The following SHANK2 variants were observed in gnomAD, a reference collection of about 807,000 sequenced individuals.
SHANK2 encodes SH3 and multiple ankyrin repeat domains protein 2.
A neutral mutation model predicts 133.7 loss-of-function variants in SHANK2; 43 were observed. The ratio of observed to expected loss-of-function variants is 0.32; its 90% confidence interval spans 0.25 to 0.41. The LOEUF (loss-of-function observed/expected upper bound fraction) is 0.41, where lower values mean the gene tolerates loss of function less well. Ranked by LOEUF, SHANK2 falls within the 10% of genes least tolerant of loss-of-function variation. SHANK2 has a pLI of 1.00. For synonymous variants in SHANK2, 1,017 were observed against 952.8 expected (o/e 1.07, Z -1.24); for missense variants, 1,994 against 2,235.8 (o/e 0.89, Z 2.18).
rs575304931 is a variant in SHANK2, at chr11:70,708,382, G to A, written c.1778-9619C>T. 5.9e-5 allele frequency among the ~76,000 whole-genome samples: 9 copies of A among 152,246 alleles called. No individual in the cohort carries two copies. In the South Asian group the frequency reaches 1.7e-3, roughly 28 times the overall value. On this transcript the variant is annotated intron_variant, in intron 14 of 25. Coordinates refer to ENST00000601538, the MANE Select transcript of SHANK2 (RefSeq NM_012309.5). Reference sequence around the variant, plus strand: ...TGCCCTGGACACTGCAGGGCTTTGGGCATCCTTGCCTCCAATCTCTAAACA... The same window carrying A: ...TGCCCTGGACACTGCAGGGCTTTGGACATCCTTGCCTCCAATCTCTAAACA...
chr11:70,591,213 G>A (rs1554987973), intron 17 of SHANK2, among the ~76,000 whole-genome samples: 1 of 152,060 alleles, frequency 6.6e-6, no homozygotes, highest in African/African-American at 2.4e-5. Flanking sequence ...TTAGCTGGGT[G>A]CGGTGGTGAG....
chr11:71,060,187 A>T (rs1361269779), intron 9 of SHANK2, among the ~76,000 whole-genome samples: 1 of 152,212 alleles, frequency 6.6e-6, no homozygotes, highest in Non-Finnish European at 1.5e-5. Flanking sequence ...CACAACTGTG[A>T]GTGCTACTGG....
intron 14 of SHANK2, among the ~76,000 whole-genome samples, chr11:70,736,115 C>G (rs916073249): frequency 6.6e-5 from 10 of 151,706 alleles, no homozygotes; most frequent in African/African-American, 2.4e-4. Context: ...CCCAGCCAAG[C>G]CCAGTGGCAG....
At chr11:71,250,150 AAGC>A (rs57646237) in intron 1 of SHANK2, among the ~76,000 whole-genome samples, 2,006 of 152,182 alleles carry the variant, frequency 0.013, 44 homozygotes, top group African/African-American at 0.046. Context: ...AATTTGTTAA[AAGC>A]AGCCAAGTGC....
chr11:70,516,335 A>T (rs1163079879), intron 17 of SHANK2, among the ~76,000 whole-genome samples: 2 of 152,268 alleles, frequency 1.3e-5, no homozygotes, highest in Admixed American at 6.5e-5. Context: ...AAATAGAGTC[A>T]ACTGATCTTT....
rs548158270 is a variant in SHANK2, at chr11:71,121,482, C to T, written c.208-2450G>A. Among the ~76,000 whole-genome samples, 63 of 152,286 alleles carry T rather than the reference C, an allele frequency of 4.1e-4. 2 individuals carry two copies. Among genetic ancestry groups the T allele is most frequent in the Admixed American group, 3.0e-3 (46 of 15,302 alleles). Reference sequence around the variant, plus strand: ...GGATATTAGCCCTTTGTCAGATGGACAGATTGCAAAAATTTTCTCCCATTC... The same window carrying T: ...GGATATTAGCCCTTTGTCAGATGGATAGATTGCAAAAATTTTCTCCCATTC... On this transcript the variant is annotated intron_variant, in intron 3 of 25. Transcript: ENST00000601538.
intron 2 of SHANK2, among the ~76,000 whole-genome samples, chr11:71,205,103 G>A (rs1555117794): frequency 1.3e-5 from 2 of 152,162 alleles, no homozygotes; most frequent in African/African-American, 4.8e-5. Flanking sequence ...GGGAGTCCCA[G>A]CCCTGGATTC....
chr11:70,915,125 G>T (rs1950251877), intron 10 of SHANK2, among the ~76,000 whole-genome samples: 1 of 152,060 alleles, frequency 6.6e-6, no homozygotes, highest in South Asian at 2.1e-4. Flanking sequence ...TGATTTCTGG[G>T]TACTGCTGGC....
chr11:70,929,145 T>A (rs1310548768), intron 10 of SHANK2, among the ~76,000 whole-genome samples: 2 of 152,192 alleles, frequency 1.3e-5, no homozygotes, highest in African/African-American at 4.8e-5. Context: ...GTACCTGAGG[T>A]TGCCATCTGT....
chr11:70,636,881 T>A (rs2061107904), intron 17 of SHANK2, among the ~76,000 whole-genome samples: 1 of 152,194 alleles, frequency 6.6e-6, no homozygotes, highest in Non-Finnish European at 1.5e-5. Flanking sequence ...TGTGTGCACA[T>A]GGTAGCATGT....
At chr11:70,532,995 G>A (rs1286292210) in intron 17 of SHANK2, among the ~76,000 whole-genome samples, 11 of 152,174 alleles carry the variant, frequency 7.2e-5, no homozygotes, top group South Asian at 4.1e-4. Flanking sequence ...AAGAAGCCAC[G>A]AAGCACCCCA....
rs921528468 is a variant in SHANK2, at chr11:70,471,456, G to A, written c.*1413C>T. 7 of 398,660 alleles carry A rather than the reference G, an allele frequency of 1.8e-5. No homozygotes were observed. The highest frequency in any genetic ancestry group is 2.7e-5 in the Non-Finnish European group (6 of 226,048). 24.7% of individuals were successfully genotyped at this position (398,660 alleles called of 1,614,324 possible). ...TGGAAATTCGAGGTATTGTTATGGG[G>A]TGGAGGGACTCCGGGGAAAGAAAGG... On this transcript the variant is annotated 3_prime_UTR_variant, in exon 26 of 26. Transcript: ENST00000601538. The surrounding 1 kb of genome is among the most constrained non-coding windows in gnomAD (Gnocchi z 4.1).
chr11:70,621,717 A>C (rs1245508229), intron 17 of SHANK2, among the ~76,000 whole-genome samples: 6 of 152,150 alleles, frequency 3.9e-5, no homozygotes, highest in Non-Finnish European at 7.4e-5. Context: ...TGAGTGTAGA[A>C]GGGGAGACTC....
At chr11:70,497,163 CCTCCTGGCCCTTGTCT>C (rs1322316987) in intron 21 of SHANK2, among the ~76,000 whole-genome samples, 2 of 152,176 alleles carry the variant, frequency 1.3e-5, no homozygotes, top group African/African-American at 4.8e-5. Context: ...GGTGTGGGTC[CCTCCTGGCCCTTGTCT>C]CTTGGGGACG....
chr11:70,761,631 G>A (rs898705234), intron 14 of SHANK2, among the ~76,000 whole-genome samples: 4 of 152,184 alleles, frequency 2.6e-5, no homozygotes, highest in South Asian at 2.1e-4. Context: ...GGGCTTCCCC[G>A]GCTTTGCCAT....
intron 17 of SHANK2, among the ~76,000 whole-genome samples, chr11:70,540,430 G>A (rs2059605348): frequency 1.3e-5 from 2 of 152,138 alleles, no homozygotes; most frequent in South Asian, 4.2e-4. Flanking sequence ...CCTCTCTCCT[G>A]CGGAGTCGGA....
At chr11:70,724,166 C>T (rs1248616083) in intron 14 of SHANK2, among the ~76,000 whole-genome samples, 2 of 151,756 alleles carry the variant, frequency 1.3e-5, no homozygotes, top group Non-Finnish European at 2.9e-5. Flanking sequence ...CTCCTGAGTA[C>T]CTGGGATTAC....
chr11:70,798,674 C>T (rs1232420792), intron 13 of SHANK2, 118 bp from the exon 14 acceptor site: 6 of 654,924 alleles, frequency 9.2e-6, no homozygotes, highest in Admixed American at 4.3e-5. Flanking sequence ...GCCAGGCCTG[C>T]AGAGCAAGCG....
chr11:70,587,162 G>A (rs552485403), intron 17 of SHANK2, among the ~76,000 whole-genome samples: 22 of 152,296 alleles, frequency 1.4e-4, no homozygotes, highest in African/African-American at 4.3e-4. Flanking sequence ...TTCCACTGCC[G>A]TACAGAGTTC....
Sources: gnomAD v4.1 joint callset for allele counts (sites outside exome capture counted in the v4.1 genomes callset) on GRCh38, gnomAD v4.1.1 for gene constraint, Gnocchi (gnomAD v3.1) non-coding constraint, MANE v1.5 for transcripts, NCBI Gene and HGNC (gene_info 2026-07-23, HGNC 2026-07-21) for gene names.